Variants in DNAI4 observed in about 807,000 individuals in gnomAD.
DNAI4 encodes the protein dynein axonemal intermediate chain 4, also known as WD repeat domain 78.
In DNAI4, 85 loss-of-function variants were observed where a neutral mutation model predicts 105.8. The ratio of observed to expected loss-of-function variants is 0.80; its 90% confidence interval spans 0.67 to 0.96. The LOEUF (loss-of-function observed/expected upper bound fraction) is 0.96. Among genes scored for constraint, DNAI4 ranks in the 40% least tolerant of loss-of-function variants. DNAI4 has a pLI of 0.00. For missense variants in DNAI4, 1,014 were observed against 1,005.6 expected (o/e 1.01, Z -0.11); for synonymous variants, 352 against 331.5 (o/e 1.06, Z -0.67).
rs1645457016 is a variant in DNAI4, at chr1:66,813,636, T to C, written c.*494A>G. Reference sequence around the variant, plus strand: ...GTTCTATAGCTTCGGCTCTTAGATCTAAGAGGATAAAATGTTAGGTACAAG... The same window carrying C: ...GTTCTATAGCTTCGGCTCTTAGATCCAAGAGGATAAAATGTTAGGTACAAG... On this transcript the variant is annotated 3_prime_UTR_variant, in exon 17 of 17. Transcript: ENST00000371026. The C allele has an allele frequency of 6.6e-6, 1 of 152,480 alleles. No individual in the cohort carries two copies. Among genetic ancestry groups the C allele is most frequent in the Non-Finnish European group, 1.5e-5 (1 of 68,114 alleles). The allele number at this position is 152,480 out of a possible 1,614,324, so 9.4% of individuals were successfully genotyped here.
intron 1 of DNAI4, among the ~76,000 whole-genome samples, chr1:66,913,080 C>A (rs952835516): frequency 1.3e-5 from 2 of 152,148 alleles, no homozygotes; most frequent in African/African-American, 4.8e-5. Flanking sequence ...TTGCTTCCAA[C>A]AGGGAAAATG....
chr1:66,902,864 T>C (rs1393411200), intron 2 of DNAI4, among the ~76,000 whole-genome samples: 2 of 152,244 alleles, frequency 1.3e-5, no homozygotes, highest in African/African-American at 4.8e-5. Context: ...ATGTGAAATT[T>C]TATTTCTGGG....
intron 16 of DNAI4, 123 bp downstream of exon 16, chr1:66,822,238 A>T: frequency 1.1e-6 from 1 of 947,414 alleles, no homozygotes; most frequent in Non-Finnish European, 1.5e-6. Flanking sequence ...CAACTCCTGG[A>T]ATTTATGTTC....
chr1:66,907,092 T>G (rs1215452363), intron 1 of DNAI4: 1 of 152,194 alleles, frequency 6.6e-6, no homozygotes, highest in African/African-American at 2.4e-5. Context: ...CTCTACCTAT[T>G]ACTATATCTC....
In DNAI4 at chr1:66,873,852, CTTTTTTTT is replaced by C. The variant is rs749140367; in HGVS notation, c.800+921_800+928del. Among the ~76,000 whole-genome samples the C allele has an allele frequency of 8.2e-5, 9 of 110,194 alleles. 1 individual carries two copies. In the South Asian group the frequency reaches 2.3e-3, roughly 28 times the overall value. 72.3% of individuals were successfully genotyped at this position (110,194 alleles called of 152,430 possible). ...TGTCCCTTTCTTTTTTCCCTCTTTC[CTTTTTTTT>C]TTTTTTTTTTTTTTTGGTCCTAGGA... is the stretch of plus-strand genomic sequence containing the variant. On this transcript the variant is annotated intron_variant, in intron 5 of 16. Coordinates refer to ENST00000371026, the MANE Select transcript of DNAI4 (RefSeq NM_024763.5).
In DNAI4 at chr1:66,822,527, A is replaced by C; in HGVS notation, c.2340-10T>G. 1.9e-6 allele frequency: 3 copies of C among 1,564,380 alleles called. No individual in the cohort carries two copies. Among genetic ancestry groups the C allele is most frequent in the Non-Finnish European group, 2.6e-6 (3 of 1,159,074 alleles). ...AATCAGAGGGTCCAAACTGTAATGA[A>C]ATATTTTATTTGTAAATTCAATTGT... is the stretch of plus-strand genomic sequence containing the variant. On this transcript the variant is annotated splice_polypyrimidine_tract_variant and intron_variant, in intron 15 of 16. Coordinates refer to ENST00000371026, the MANE Select transcript of DNAI4 (RefSeq NM_024763.5).
intron 16 of DNAI4, among the ~76,000 whole-genome samples, chr1:66,821,842 AC>A (rs1645633406): frequency 6.6e-6 from 1 of 152,096 alleles, no homozygotes; most frequent in Non-Finnish European, 1.5e-5. Flanking sequence ...TAAATTGAAA[AC>A]TTTTTTTAAA....
At chr1:66,887,223 C>T (rs888118996) in intron 4 of DNAI4, among the ~76,000 whole-genome samples, 1 of 152,200 alleles carries the variant, frequency 6.6e-6, no homozygotes, top group African/African-American at 2.4e-5. Flanking sequence ...AATAATCATT[C>T]ATGTGTTCCT....
chr1:66,918,095 A>G (rs1323672802), intron 1 of DNAI4, among the ~76,000 whole-genome samples: 2 of 152,214 alleles, frequency 1.3e-5, no homozygotes, highest in African/African-American at 2.4e-5. Context: ...TTGGCTTTAA[A>G]AGAGTCTTAT....
At chr1:66,891,675 G>A (rs1056497903) in intron 3 of DNAI4, among the ~76,000 whole-genome samples, 1 of 152,170 alleles carries the variant, frequency 6.6e-6, no homozygotes, top group Non-Finnish European at 1.5e-5. Context: ...TTTTGGCCAG[G>A]CTGGTCTTGA....
At chr1:66,835,259 A>C (rs1446463950) in intron 11 of DNAI4, among the ~76,000 whole-genome samples, 1 of 152,180 alleles carries the variant, frequency 6.6e-6, no homozygotes, top group Admixed American at 6.5e-5. Context: ...ATTTACATAT[A>C]TACACATAAA....
At chr1:66,910,262 A>G (rs150444729) in intron 1 of DNAI4, among the ~76,000 whole-genome samples, 47 of 152,228 alleles carry the variant, frequency 3.1e-4, no homozygotes, top group Non-Finnish European at 6.0e-4. Context: ...AAATAAAATA[A>G]AATATGACTA....
intron 15 of DNAI4, among the ~76,000 whole-genome samples, chr1:66,824,738 G>A (rs1321459032): frequency 1.3e-5 from 2 of 152,130 alleles, no homozygotes; most frequent in African/African-American, 4.8e-5. Flanking sequence ...AAGAATGCTT[G>A]TGATTTTTGT....
intron 2 of DNAI4, among the ~76,000 whole-genome samples, chr1:66,897,934 AC>A (rs779634867): frequency 6.6e-6 from 1 of 152,000 alleles, no homozygotes; most frequent in Non-Finnish European, 1.5e-5. Flanking sequence ...TTGCCACAGG[AC>A]CCCAGAACTA....
chr1:66,876,667 A>G (rs1237131106), intron 4 of DNAI4, among the ~76,000 whole-genome samples: 2 of 152,134 alleles, frequency 1.3e-5, no homozygotes, highest in Non-Finnish European at 2.9e-5. Flanking sequence ...CTCTTTACCT[A>G]TAGAATCTGC....
intron 6 of DNAI4, among the ~76,000 whole-genome samples, chr1:66,869,964 T>C (rs1646806930): frequency 6.6e-6 from 1 of 152,184 alleles, no homozygotes; most frequent in Admixed American, 6.5e-5. Context: ...GAGATAAAGA[T>C]ATCCACTCAT....
At chr1:66,848,256 T>C (rs1277937418) in intron 7 of DNAI4, 1 of 456,240 alleles carries the variant, frequency 2.2e-6, no homozygotes, top group Admixed American at 2.3e-5. Flanking sequence ...GACAGCAACA[T>C]TGATTGCATT....
chr1:66,895,252 A>G (rs1648216418), intron 2 of DNAI4, among the ~76,000 whole-genome samples: 1 of 152,192 alleles, frequency 6.6e-6, no homozygotes, highest in African/African-American at 2.4e-5. Context: ...GTCAAGGCAG[A>G]AGGACTGCTT....
intron 1 of DNAI4, among the ~76,000 whole-genome samples, chr1:66,912,341 C>A (rs545816650): frequency 2.7e-4 from 41 of 152,068 alleles, no homozygotes; most frequent in African/African-American, 9.4e-4. Flanking sequence ...TGGTGGGACA[C>A]ACCTGTAATC....
Sources: gnomAD v4.1 joint callset for allele counts (sites outside exome capture counted in the v4.1 genomes callset) on GRCh38, gnomAD v4.1.1 for gene constraint, MANE v1.5 for transcripts, NCBI Gene and HGNC (gene_info 2026-07-23, HGNC 2026-07-21) for gene names.